Variants in GSG1L observed in about 807,000 individuals in gnomAD.
GSG1L encodes the protein germ cell-specific gene 1-like protein.
In GSG1L, 24 loss-of-function variants were observed where a neutral mutation model predicts 42.1. That is an observed-to-expected ratio of 0.57 (90% CI 0.41 to 0.80). The LOEUF (loss-of-function observed/expected upper bound fraction) is 0.80, where lower values mean the gene tolerates loss of function less well. Among genes scored for constraint, GSG1L ranks in the 30% least tolerant of loss-of-function variants. The pLI is 0.00. For synonymous variants in GSG1L, 215 were observed against 203.5 expected, an observed-to-expected ratio of 1.06 and a Z score of -0.48; for missense variants, 445 against 472.2, an observed-to-expected ratio of 0.94 and a Z score of 0.53.
chr16:27,867,523 T>A (rs2083744175), intron 3 of GSG1L, among the ~76,000 whole-genome samples: 1 of 152,222 alleles, frequency 6.6e-6, no homozygotes, highest in Non-Finnish European at 1.5e-5. Context: ...AGAGCCTGGC[T>A]ACTTCCAGTC....
intron 1 of GSG1L, among the ~76,000 whole-genome samples, chr16:28,037,684 C>T (rs2086056699): frequency 6.6e-6 from 1 of 152,138 alleles, no homozygotes; most frequent in African/African-American, 2.4e-5. Flanking sequence ...TATAAAAACC[C>T]ACATGTATCT....
Position 27,856,648 on chromosome 16 carries a change from A to G in GSG1L, c.551-11587T>C, listed in dbSNP as rs529737253. 7.2e-5 allele frequency among the ~76,000 whole-genome samples: 11 copies of G among 152,232 alleles called. No individual in the cohort carries two copies. In the East Asian group the frequency reaches 2.1e-3, roughly 29 times the overall value. ...TTTTTACAATGGTAATTTCTTTTTGACAGTTCTTTTGTATTTATTGCAAGT... is the reference window on the plus strand; with the variant it reads ...TTTTTACAATGGTAATTTCTTTTTGGCAGTTCTTTTGTATTTATTGCAAGT... On this transcript the variant is annotated intron_variant, in intron 3 of 6. Coordinates refer to ENST00000447459, the MANE Select transcript of GSG1L (RefSeq NM_001109763.2).
chr16:28,044,514 T>C (rs2086141645), intron 1 of GSG1L, among the ~76,000 whole-genome samples: 1 of 152,196 alleles, frequency 6.6e-6, no homozygotes, highest in Non-Finnish European at 1.5e-5. Flanking sequence ...CAAGATGCTC[T>C]TGAGTAGGTG....
In GSG1L at chr16:28,063,151, C is replaced by G; in HGVS notation, c.274G>C (p.Gly92Arg). ...PGGALYSWETGDDRFLFRNFH... is the reference protein window; with the variant it reads ...PGGALYSWETRDDRFLFRNFH... Reference sequence around the variant, plus strand: ...TTCCTGAAGAGGAAGCGGTCGTCGCCGGTCTCCCAGCTGTAGAGCGCGCCG... The same window carrying G: ...TTCCTGAAGAGGAAGCGGTCGTCGCGGGTCTCCCAGCTGTAGAGCGCGCCG... The change falls in exon 1 of 7, where the codon GGC (glycine) becomes CGC (arginine). Residue 92 changes from glycine to arginine, a missense_variant. Transcript: ENST00000447459. The surrounding 1 kb of genome is among the most constrained non-coding windows in gnomAD (Gnocchi z 5.8). 7.0e-7 allele frequency: 1 copy of G among 1,424,664 alleles called. No homozygotes were observed. The allele number at this position is 1,424,664 out of a possible 1,614,324, so 88.3% of individuals were successfully genotyped here.
intron 2 of GSG1L, among the ~76,000 whole-genome samples, chr16:27,942,609 G>A (rs2084813783): frequency 6.6e-6 from 1 of 152,178 alleles, no homozygotes; most frequent in African/African-American, 2.4e-5. Flanking sequence ...GGCAAAAGAT[G>A]CAAACAGGCA....
At chr16:27,958,956 T>C (rs552038585) in intron 2 of GSG1L, among the ~76,000 whole-genome samples, 1 of 151,846 alleles carries the variant, frequency 6.6e-6, no homozygotes, top group Non-Finnish European at 1.5e-5. Context: ...ATTACAGGCA[T>C]GAGCCACTGC....
intron 2 of GSG1L, among the ~76,000 whole-genome samples, chr16:27,938,101 C>T (rs1039630637): frequency 2.6e-5 from 4 of 152,026 alleles, no homozygotes; most frequent in African/African-American, 4.8e-5. Context: ...TGAGCTGAGG[C>T]GAGGGGTAGG....
In GSG1L at chr16:27,865,554, TATATATATATATATATATACAC is replaced by T. The variant is rs1418494062; in HGVS notation, c.550+18910_550+18931del. Among the ~76,000 whole-genome samples the T allele has an allele frequency of 5.7e-3, 162 of 28,588 alleles. 12 individuals are homozygous for T. Among genetic ancestry groups the T allele is most frequent in the East Asian group, 0.046 (43 of 930 alleles). The allele number at this position is 28,588 out of a possible 152,430, so 18.8% of individuals were successfully genotyped here. A position where few individuals can be genotyped will look rare whatever the true frequency, so the allele number is the denominator to read the frequency against. ...ATATATATATATATATATATATATA[TATATATATATATATATATACAC>T]ACACACATACATACATACACACACA... On this transcript the variant is annotated intron_variant, in intron 3 of 6. Transcript: ENST00000447459.
chr16:28,022,943 T>C (rs1260569955), intron 1 of GSG1L, among the ~76,000 whole-genome samples: 1 of 152,168 alleles, frequency 6.6e-6, no homozygotes, highest in African/African-American at 2.4e-5. Flanking sequence ...GTGCTGGGAT[T>C]ACAGATGTGA....
At chr16:27,853,893 C>T (rs562183753) in intron 3 of GSG1L, among the ~76,000 whole-genome samples, 1 of 152,104 alleles carries the variant, frequency 6.6e-6, no homozygotes, top group Admixed American at 6.5e-5. Context: ...GCTGGTGGGA[C>T]GATATCTGAC....
At chr16:27,850,064 T>C (rs1250179505) in intron 3 of GSG1L, among the ~76,000 whole-genome samples, 5 of 120,174 alleles carry the variant, frequency 4.2e-5, no homozygotes, top group Admixed American at 1.0e-4. Flanking sequence ...AATCTCACTC[T>C]GTCACCCAGG....
intron 4 of GSG1L, among the ~76,000 whole-genome samples, chr16:27,832,680 T>C (rs1401920490): frequency 6.6e-6 from 1 of 152,236 alleles, no homozygotes; most frequent in Non-Finnish European, 1.5e-5. Context: ...TAATATCTCA[T>C]TGTGGCTTTA....
rs759434857 is a variant in GSG1L at position 27,828,865 on chromosome 16, G to A, written c.754C>T (p.Arg252Cys). 4.3e-6 allele frequency: 7 copies of A among 1,614,080 alleles called. No individual in the cohort carries two copies. The highest frequency in any genetic ancestry group is 1.7e-5 in the Admixed American group (1 of 60,008). Residue 252 changes from arginine (R) to cysteine (C), a missense_variant, in exon 5 of 7, where the codon CGC becomes TGC. Coordinates refer to ENST00000447459, the MANE Select transcript of GSG1L (RefSeq NM_001109763.2). ...TKTVIEFRHK[R>C]KVFEQGYREE... ...CGGTAGCCCTGCTCAAAGACCTTGCGCTTGTGCCGGAACTCAATGACCGTC... is the reference window on the plus strand; with the variant it reads ...CGGTAGCCCTGCTCAAAGACCTTGCACTTGTGCCGGAACTCAATGACCGTC...
chr16:27,926,215 C>T (rs2084590753), intron 2 of GSG1L, among the ~76,000 whole-genome samples: 1 of 152,202 alleles, frequency 6.6e-6, no homozygotes, highest in African/African-American at 2.4e-5. Context: ...CAATCTGGTC[C>T]CTGTCCTGGC....
At chr16:27,948,844 C>T (rs1451607987) in intron 2 of GSG1L, among the ~76,000 whole-genome samples, 8 of 149,742 alleles carry the variant, frequency 5.3e-5, no homozygotes, top group African/African-American at 1.2e-4. Context: ...CTCCTGACCT[C>T]GTGATCCGCC....
intron 2 of GSG1L, among the ~76,000 whole-genome samples, chr16:27,943,566 CTTTTTTTTTTTT>C (rs11385465): frequency 3.0e-5 from 2 of 67,720 alleles, no homozygotes; most frequent in South Asian, 6.3e-4. Flanking sequence ...TTCTTTGTTT[CTTTTTTTTTTTT>C]TTTTTTTTTT....
intron 2 of GSG1L, among the ~76,000 whole-genome samples, chr16:27,904,277 C>G (rs2084294642): frequency 6.6e-6 from 1 of 151,968 alleles, no homozygotes; most frequent in African/African-American, 2.4e-5. Flanking sequence ...GCTATATTGT[C>G]CAAGCTGGTC....
At chr16:27,998,018 C>T (rs911191334) in intron 1 of GSG1L, among the ~76,000 whole-genome samples, 3 of 152,082 alleles carry the variant, frequency 2.0e-5, no homozygotes, top group African/African-American at 7.2e-5. Flanking sequence ...CGCCACCACT[C>T]CCAGCTTTTT....
intron 1 of GSG1L, among the ~76,000 whole-genome samples, chr16:28,015,333 T>C (rs184781356): frequency 2.5e-4 from 38 of 152,318 alleles, no homozygotes; most frequent in Admixed American, 2.5e-3. Context: ...GCAAGACCCC[T>C]GTCTACAAAA....
Sources: allele counts gnomAD v4.1 joint callset (sites outside exome capture counted in the v4.1 genomes callset), GRCh38; gene constraint gnomAD v4.1.1; non-coding constraint Gnocchi (gnomAD v3.1); transcripts MANE v1.5; gene names NCBI Gene and HGNC (gene_info 2026-07-23, HGNC 2026-07-21).